The following EXOC2 variants were observed in gnomAD, a reference collection of about 807,000 sequenced individuals.
The protein encoded by EXOC2 is exocyst complex component 2, also known as SEC5-like 1.
EXOC2 carries 70 observed loss-of-function variants against 131.8 expected under a neutral mutation model. The ratio of observed to expected loss-of-function variants is 0.53; its 90% CI spans 0.44 to 0.65. The LOEUF is 0.65. Ranked by LOEUF, EXOC2 falls within the 30% of genes least tolerant of loss-of-function variation. The probability of loss-of-function intolerance (pLI) is 0.00; values close to 1 mark genes in which losing one functional copy is unlikely to be tolerated. For missense variants in EXOC2, 923 were observed against 1,108.6 expected (o/e 0.83, Z 2.38); for synonymous variants, 411 against 398.4 (o/e 1.03, Z -0.38).
chr6:537,160 C>T (rs141721071), intron 22 of EXOC2, among the ~76,000 whole-genome samples: 58 of 152,072 alleles, frequency 3.8e-4, no homozygotes, highest in Admixed American at 9.8e-4. Flanking sequence ...TTATGACCGA[C>T]GGAGCGTACA....
Position 508,205 on chromosome 6 carries a change from G to A in EXOC2, c.2381-8505C>T, listed in dbSNP as rs73719459. 3.5e-3 allele frequency among the ~76,000 whole-genome samples: 528 copies of A among 152,188 alleles called. 5 individuals carry two copies. Among genetic ancestry groups the A allele is most frequent in the African/African-American group, 0.012 (488 of 41,500 alleles). On this transcript the variant is annotated intron_variant, in intron 23 of 27. Coordinates refer to ENST00000230449, the MANE Select transcript of EXOC2 (RefSeq NM_018303.6). ...AAGGTGCAGAGATTTCACATATGCC[G>A]TCCCGCCCGCCACCACATACACACG...
At chr6:692,110 T>C (rs1432869277) in intron 1 of EXOC2, among the ~76,000 whole-genome samples, 2 of 151,986 alleles carry the variant, frequency 1.3e-5, no homozygotes, top group African/African-American at 2.4e-5. Flanking sequence ...CTTTTCAATA[T>C]TGCATAGTGC....
intron 25 of EXOC2, among the ~76,000 whole-genome samples, 170 bp from the exon 26 acceptor site, chr6:491,356 T>C (rs944738502): frequency 1.3e-5 from 2 of 152,244 alleles, no homozygotes; most frequent in Non-Finnish European, 2.9e-5. Flanking sequence ...CCGAAGAAAT[T>C]TGCTACCACA....
At chr6:634,915 A>G (rs1762031904) in intron 2 of EXOC2, among the ~76,000 whole-genome samples, 1 of 152,210 alleles carries the variant, frequency 6.6e-6, no homozygotes, top group Admixed American at 6.5e-5. Context: ...TACTGCTAAC[A>G]TGTCAATGTT....
At chr6:596,813 A>G (rs1759845059) in intron 10 of EXOC2, among the ~76,000 whole-genome samples, 1 of 152,250 alleles carries the variant, frequency 6.6e-6, no homozygotes, top group African/African-American at 2.4e-5. Flanking sequence ...TTATTCTGAG[A>G]ACAAAGGCCA....
intron 23 of EXOC2, among the ~76,000 whole-genome samples, chr6:505,921 G>C (rs774910579): frequency 1.8e-4 from 28 of 152,226 alleles, no homozygotes; most frequent in Non-Finnish European, 3.5e-4. Flanking sequence ...ATAAGTGAAT[G>C]AATGAGGGAA....
chr6:545,016 G>C (rs1012042536), intron 22 of EXOC2, among the ~76,000 whole-genome samples: 1 of 151,190 alleles, frequency 6.6e-6, no homozygotes, highest in Non-Finnish European at 1.5e-5. Context: ...GCGCAGTGGC[G>C]GGTGCCTGTA....
At chr6:519,086 C>A (rs1340641621) in intron 23 of EXOC2, among the ~76,000 whole-genome samples, 2 of 144,626 alleles carry the variant, frequency 1.4e-5, no homozygotes, top group African/African-American at 5.2e-5. Flanking sequence ...CCACCGAGCG[C>A]CGACACTCAC....
chr6:521,669 G>C (rs1765475559), intron 23 of EXOC2, among the ~76,000 whole-genome samples: 1 of 152,196 alleles, frequency 6.6e-6, no homozygotes, highest in Non-Finnish European at 1.5e-5. Flanking sequence ...TGGGACCACA[G>C]GTATGTGCCA....
chr6:617,063 T>C (rs1761050819), intron 6 of EXOC2, among the ~76,000 whole-genome samples: 1 of 152,252 alleles, frequency 6.6e-6, no homozygotes, highest in Non-Finnish European at 1.5e-5. Flanking sequence ...ACTTAAGCTA[T>C]ATGGGTATTT....
intron 27 of EXOC2, 57 bp from the exon 28 acceptor site, chr6:486,821 A>C: frequency 7.1e-7 from 1 of 1,402,830 alleles, no homozygotes; most frequent in Non-Finnish European, 1.0e-6. Context: ...CTAGCAACGC[A>C]AGAAAACACC....
chr6:680,494 A>G (rs532993703), intron 1 of EXOC2, among the ~76,000 whole-genome samples: 179 of 152,286 alleles, frequency 1.2e-3, no homozygotes, highest in African/African-American at 4.2e-3. Flanking sequence ...ATATTTTTAC[A>G]TTGCCTTCCC....
At chr6:521,967 T>C (rs1395662778) in intron 23 of EXOC2, among the ~76,000 whole-genome samples, 1 of 152,228 alleles carries the variant, frequency 6.6e-6, no homozygotes, top group African/African-American at 2.4e-5. Context: ...ACTATTAATA[T>C]AAAAAACCCA....
At chr6:640,712 A>G (rs1170480250) in intron 1 of EXOC2, among the ~76,000 whole-genome samples, 1 of 152,188 alleles carries the variant, frequency 6.6e-6, no homozygotes, top group Non-Finnish European at 1.5e-5. Context: ...AGCCAAGGAG[A>G]GAGGCCTAAA....
At chr6:515,107 T>C (rs1765069696) in intron 23 of EXOC2, among the ~76,000 whole-genome samples, 1 of 152,182 alleles carries the variant, frequency 6.6e-6, no homozygotes, top group Non-Finnish European at 1.5e-5. Flanking sequence ...CAGAAACAAA[T>C]TTATAACATT....
chr6:614,313 A>G (rs1338822022), intron 6 of EXOC2, among the ~76,000 whole-genome samples: 1 of 152,124 alleles, frequency 6.6e-6, no homozygotes, highest in Non-Finnish European at 1.5e-5. Flanking sequence ...CGTACTACAG[A>G]CTCCGGATCT....
chr6:656,081 A>G (rs775602490), intron 1 of EXOC2: 1 of 1,538,894 alleles, frequency 6.5e-7, no homozygotes, highest in East Asian at 2.3e-5. Flanking sequence ...CAAAACCTTA[A>G]AAAAAAAATC....
intron 21 of EXOC2, among the ~76,000 whole-genome samples, chr6:553,170 G>A (rs533243809): frequency 2.6e-5 from 4 of 152,068 alleles, no homozygotes; most frequent in East Asian, 1.9e-4. Context: ...CACTTGCCTC[G>A]GCCTCCTAAA....
At chr6:552,066 G>A (rs1304474880) in intron 21 of EXOC2, among the ~76,000 whole-genome samples, 1 of 152,192 alleles carries the variant, frequency 6.6e-6, no homozygotes, top group Non-Finnish European at 1.5e-5. Flanking sequence ...TCCCCTGCAG[G>A]CTTGCACCCA....
Sources: allele counts gnomAD v4.1 joint callset (sites outside exome capture counted in the v4.1 genomes callset), GRCh38; gene constraint gnomAD v4.1.1; transcripts MANE v1.5; gene names NCBI Gene and HGNC (gene_info 2026-07-23, HGNC 2026-07-21).